The following DOCK11 variants were observed in gnomAD, a reference collection of about 807,000 sequenced individuals.
DOCK11 encodes dedicator of cytokinesis 11, also known as dedicator of cytokinesis protein 11.
A neutral mutation model predicts 169.1 loss-of-function variants in DOCK11; 70 were observed. The ratio of observed to expected loss-of-function variants is 0.41; its 90% CI spans 0.34 to 0.51. The LOEUF (loss-of-function observed/expected upper bound fraction) is 0.51, where lower values mean the gene tolerates loss of function less well. Among genes scored for constraint, DOCK11 ranks in the 20% least tolerant of loss-of-function variants. DOCK11 has a pLI of 0.10. For missense variants in DOCK11, 1,166 were observed against 1,538.8 expected (o/e 0.76, Z 4.05); for synonymous variants, 529 against 541.3 (o/e 0.98, Z 0.32).
At chrX:118,632,136 G>A (rs1004534571) in intron 35 of DOCK11, among the ~76,000 whole-genome samples, 1 of 110,668 alleles carries the variant, frequency 9.0e-6, no homozygotes, top group African/African-American at 3.3e-5. Flanking sequence ...TTTATTTTTA[G>A]TAGAGATGGG....
intron 6 of DOCK11, among the ~76,000 whole-genome samples, chrX:118,548,689 C>T (rs1377892180): frequency 1.8e-5 from 2 of 111,764 alleles, no homozygotes; most frequent in African/African-American, 3.3e-5. Flanking sequence ...AATGGATTCT[C>T]CCATGCAGCA....
chrX:118,651,899 A>G (rs2015955349), intron 41 of DOCK11, 65 bp from the exon 42 acceptor site: 7 of 770,387 alleles, frequency 9.1e-6, no homozygotes, highest in Middle Eastern at 4.1e-4. Context: ...TACTTATAAA[A>G]TGATGAGCAT....
At chrX:118,516,473 G>A (rs1042819371) in intron 1 of DOCK11, among the ~76,000 whole-genome samples, 5 of 95,785 alleles carry the variant, frequency 5.2e-5, no homozygotes, top group South Asian at 1.1e-3. Flanking sequence ...TCTCACACTC[G>A]CTCTGTTGCC....
chrX:118,509,390 G>T (rs2057635284), intron 1 of DOCK11, among the ~76,000 whole-genome samples: 1 of 111,491 alleles, frequency 9.0e-6, no homozygotes, highest in Non-Finnish European at 1.9e-5. Context: ...AGCCTCCTGA[G>T]TAGCTGGGAC....
At chrX:118,677,525 G>T (rs150745120) in intron 48 of DOCK11, among the ~76,000 whole-genome samples, 487 of 112,271 alleles carry the variant, frequency 4.3e-3, no homozygotes, top group African/African-American at 0.015. Context: ...GATATTTACT[G>T]AGTGACTATG....
rs751465201 is a variant in DOCK11, at chrX:118,631,176, T to TA, written c.3886+698dup. On this transcript the variant is annotated intron_variant, in intron 35 of 52. Transcript: ENST00000276202. ...TCTTCCTTTTCGCAATACTTTTGCT[T>TA]AAAAAAAAAAAATGCAAAAATGGAA... Among the ~76,000 whole-genome samples the TA allele has an allele frequency of 2.1e-3, 217 of 105,061 alleles. 2 individuals carry two copies. The highest frequency in any genetic ancestry group is 6.3e-3 in the African/African-American group (185 of 29,178). 91.2% of individuals were successfully genotyped at this position (105,061 alleles called of 115,157 possible). A position where few individuals can be genotyped will look rare whatever the true frequency, so the allele number is the denominator to read the frequency against.
intron 52 of DOCK11, among the ~76,000 whole-genome samples, chrX:118,685,306 A>G (rs1407783123): frequency 3.6e-5 from 4 of 112,296 alleles, no homozygotes; most frequent in Non-Finnish European, 7.5e-5. Context: ...CAAAAGTCCC[A>G]TAGATGATTC....
At chrX:118,569,416 C>T (rs746655697) in intron 10 of DOCK11, 2 of 110,845 alleles carry the variant, frequency 1.8e-5, no homozygotes, top group Non-Finnish European at 3.8e-5. Context: ...TAAGTGTAGT[C>T]AAGTACAGTA....
At chrX:118,617,114 GA>G (rs2014836927) in intron 30 of DOCK11, among the ~76,000 whole-genome samples, 1 of 111,903 alleles carries the variant, frequency 8.9e-6, no homozygotes, top group Non-Finnish European at 1.9e-5. Context: ...AAGAAAAATA[GA>G]AAACATAATC....
intron 10 of DOCK11, 145 bp from the exon 11 acceptor site, chrX:118,572,178 A>G: frequency 2.0e-6 from 1 of 491,152 alleles, no homozygotes; most frequent in Non-Finnish European, 3.3e-6. Context: ...AAAGTCTATA[A>G]AAGCTTGTTA....
At chrX:118,681,594 T>G in intron 50 of DOCK11, 100 bp from the exon 51 acceptor site, 1 of 571,449 alleles carries the variant, frequency 1.7e-6, no homozygotes, top group Non-Finnish European at 2.7e-6. Flanking sequence ...TATGGATTTC[T>G]TGTATATTTT....
chrX:118,499,488 A>C (rs1213391248), intron 1 of DOCK11, among the ~76,000 whole-genome samples: 2 of 111,822 alleles, frequency 1.8e-5, no homozygotes, highest in Non-Finnish European at 3.8e-5. Flanking sequence ...AGAAGCTGAG[A>C]ATGGCTGAAA....
At chrX:118,674,083 TTTCAGATAAGGGATA>T (rs1317779095) in intron 46 of DOCK11, among the ~76,000 whole-genome samples, 1 of 112,041 alleles carries the variant, frequency 8.9e-6, no homozygotes, top group Non-Finnish European at 1.9e-5. Context: ...GTCCAAAGCA[TTTCAGATAAGGGATA>T]CTCAGCCTGT....
At chrX:118,632,959 T>G (rs867366691) in intron 35 of DOCK11, 4 of 2,191 alleles carry the variant, frequency 1.8e-3, no homozygotes, top group Admixed American at 6.8e-3. Flanking sequence ...GAGAAGGTGG[T>G]GGGGGGCGGT....
intron 44 of DOCK11, among the ~76,000 whole-genome samples, chrX:118,660,658 G>A (rs1275956432): frequency 2.8e-5 from 3 of 108,421 alleles, no homozygotes; most frequent in Admixed American, 9.8e-5. Context: ...TTTTAGTAGA[G>A]ATGGGGTTTC....
At chrX:118,559,408 TA>T (rs746238247) in intron 6 of DOCK11, among the ~76,000 whole-genome samples, 9 of 112,371 alleles carry the variant, frequency 8.0e-5, no homozygotes, top group Admixed American at 1.9e-4. Flanking sequence ...TTTTTCATAT[TA>T]TTTTTTTCAT....
rs2014791968 is a variant in DOCK11, at chrX:118,615,647, C to T, written c.3228C>T (p.His1076=). 1.7e-6 allele frequency: 2 copies of T among 1,210,287 alleles called. No individual in the cohort carries two copies. The highest frequency in any genetic ancestry group is 2.2e-6 in the Non-Finnish European group (2 of 894,696). ...AATTTCTGCAAACAATTTGCAATCACGAACATTACATTCCTCTGAACTTGC... is the reference window on the plus strand; with the variant it reads ...AATTTCTGCAAACAATTTGCAATCATGAACATTACATTCCTCTGAACTTGC... ...KFEFLQTICN[H]EHYIPLNLPM... Residue 1076 remains histidine (H), a synonymous_variant, in exon 30 of 53, where the codon CAC becomes CAT. Coordinates refer to ENST00000276202, the MANE Select transcript of DOCK11 (RefSeq NM_144658.4).
chrX:118,676,166 C>A (rs963540834), intron 47 of DOCK11, 117 bp downstream of exon 47: 1 of 465,979 alleles, frequency 2.1e-6, no homozygotes, highest in Non-Finnish European at 3.6e-6. Context: ...CAGCAGGGAG[C>A]CTCTTTTGTA....
chrX:118,559,455 T>C (rs763887739), intron 6 of DOCK11, among the ~76,000 whole-genome samples: 13 of 112,113 alleles, frequency 1.2e-4, no homozygotes, highest in Non-Finnish European at 2.3e-4. Context: ...TCTAGTTTTG[T>C]TATAGATAAT....
Sources: allele counts gnomAD v4.1 joint callset (sites outside exome capture counted in the v4.1 genomes callset), GRCh38; gene constraint gnomAD v4.1.1; transcripts MANE v1.5; gene names NCBI Gene and HGNC (gene_info 2026-07-23, HGNC 2026-07-21).